The following CSMD1 variants were observed in gnomAD, a reference collection of about 807,000 sequenced individuals.
CSMD1 encodes the protein CUB and Sushi multiple domains 1.
CSMD1 carries 213 observed loss-of-function variants against 417.5 expected under a neutral mutation model. The observed-to-expected ratio is 0.51, with a 90% confidence interval of 0.46 to 0.57. CSMD1 has a LOEUF of 0.57. Among genes scored for constraint, CSMD1 ranks in the 20% least tolerant of loss-of-function variants. The pLI is 0.00. For synonymous variants in CSMD1, 2,862 were observed against 1,736.8 expected (o/e 1.65, Z -16.11); for missense variants, 6,923 against 4,529.7 (o/e 1.53, Z -15.17).
Position 4,153,777 on chromosome 8 carries a change from AG to A in CSMD1, c.416-121679del, listed in dbSNP as rs1796688970. On this transcript the variant is annotated intron_variant, in intron 3 of 69. Coordinates refer to ENST00000635120, the MANE Select transcript of CSMD1 (RefSeq NM_033225.6). ...ACCCTGTGCTCTAAAACCCTTTGTC[AG>A]GGGAAACACAGTTTTTATGTATTTG... 3.3e-5 allele frequency among the ~76,000 whole-genome samples: 5 copies of A among 152,332 alleles called. No homozygotes were observed. The South Asian group carries it at 1.0e-3, about 32-fold the overall frequency.
At chr8:4,990,880 G>A (rs942253376) in intron 1 of CSMD1, among the ~76,000 whole-genome samples, 1 of 152,140 alleles carries the variant, frequency 6.6e-6, no homozygotes, top group African/African-American at 2.4e-5. Flanking sequence ...CCTCTCTCGC[G>A]GTGGAGTTAC....
At chr8:3,300,180 G>T (rs1804277772) in intron 25 of CSMD1, among the ~76,000 whole-genome samples, 1 of 152,190 alleles carries the variant, frequency 6.6e-6, no homozygotes, top group African/African-American at 2.4e-5. Context: ...ATTTGGCCAT[G>T]TTTATTAACT....
At chr8:4,013,788 C>G (rs1048607177) in intron 4 of CSMD1, among the ~76,000 whole-genome samples, 3 of 152,154 alleles carry the variant, frequency 2.0e-5, no homozygotes, top group Admixed American at 2.0e-4. Flanking sequence ...TTAGGCTTTA[C>G]TGAAACACAG....
At chr8:3,747,862 C>A (rs981020290) in intron 6 of CSMD1, among the ~76,000 whole-genome samples, 17 of 152,014 alleles carry the variant, frequency 1.1e-4, no homozygotes, top group African/African-American at 4.1e-4. Flanking sequence ...TTGCTTTGGG[C>A]TGGGGAGGCA....
chr8:3,054,492 C>T (rs1248253432), intron 49 of CSMD1, among the ~76,000 whole-genome samples: 1 of 152,156 alleles, frequency 6.6e-6, no homozygotes, highest in Non-Finnish European at 1.5e-5. Flanking sequence ...GTGGCACACA[C>T]CTGTTGTCCC....
intron 30 of CSMD1, among the ~76,000 whole-genome samples, chr8:3,213,993 G>C (rs1010004806): frequency 6.6e-6 from 1 of 151,718 alleles, no homozygotes; most frequent in South Asian, 2.1e-4. Flanking sequence ...TCACAGGCAC[G>C]CACCACCACA....
At chr8:4,984,505 C>G (rs1042717191) in intron 1 of CSMD1, among the ~76,000 whole-genome samples, 2 of 152,214 alleles carry the variant, frequency 1.3e-5, no homozygotes, top group Non-Finnish European at 2.9e-5. Flanking sequence ...CTGGCCCTCA[C>G]TGAGCTAATG....
At chr8:3,987,044 C>T (rs748272011) in intron 5 of CSMD1, among the ~76,000 whole-genome samples, 7 of 152,136 alleles carry the variant, frequency 4.6e-5, no homozygotes, top group African/African-American at 1.2e-4. Flanking sequence ...CGTGAATCAC[C>T]GCATCCATCC....
At chr8:4,267,698 A>G (rs966910563) in intron 3 of CSMD1, among the ~76,000 whole-genome samples, 6 of 152,098 alleles carry the variant, frequency 3.9e-5, no homozygotes, top group African/African-American at 1.4e-4. Flanking sequence ...AGTGTCTTAC[A>G]TGACTTTACA....
chr8:3,472,731 T>C (rs1447607440), intron 11 of CSMD1, among the ~76,000 whole-genome samples: 1 of 152,136 alleles, frequency 6.6e-6, no homozygotes, highest in Non-Finnish European at 1.5e-5. Context: ...TCCCAGCCCT[T>C]ATTTCTTCTG....
At chr8:4,304,440 G>T (rs964878977) in intron 3 of CSMD1, among the ~76,000 whole-genome samples, 2 of 152,176 alleles carry the variant, frequency 1.3e-5, no homozygotes, top group African/African-American at 4.8e-5. Context: ...AGTTCCAAAA[G>T]TTAAGTGACT....
In CSMD1 at chr8:4,158,263, G is replaced by A. The variant is rs192144448; in HGVS notation, c.416-126164C>T. ...ATCATGCCCCCATGCCAGCTCTGCA[G>A]ACATCGGGAAGACTAAACAACAGAA... On this transcript the variant is annotated intron_variant, in intron 3 of 69. Coordinates refer to ENST00000635120, the MANE Select transcript of CSMD1 (RefSeq NM_033225.6). Among the ~76,000 whole-genome samples, 212 of 152,072 alleles carry A rather than the reference G, an allele frequency of 1.4e-3. 3 individuals carry two copies. Among genetic ancestry groups the A allele is most frequent in the East Asian group, 0.01 (52 of 5,134 alleles).
chr8:4,116,234 T>C (rs914533767), intron 3 of CSMD1, among the ~76,000 whole-genome samples: 1 of 151,974 alleles, frequency 6.6e-6, no homozygotes, highest in Non-Finnish European at 1.5e-5. Context: ...CCTCAGGTGA[T>C]CCACAAGCCT....
intron 33 of CSMD1, among the ~76,000 whole-genome samples, chr8:3,199,271 G>GT (rs1462517430): frequency 6.6e-6 from 1 of 151,954 alleles, no homozygotes; most frequent in Admixed American, 6.5e-5. Flanking sequence ...TTTGTTTTTT[G>GT]TTTTGTTTTG....
intron 3 of CSMD1, among the ~76,000 whole-genome samples, chr8:4,319,965 C>A (rs1186302270): frequency 6.6e-6 from 1 of 152,088 alleles, no homozygotes; most frequent in Non-Finnish European, 1.5e-5. Context: ...TGGATTTTTA[C>A]AGGCAGAGTG....
At chr8:4,179,301 A>C (rs1798225320) in intron 3 of CSMD1, among the ~76,000 whole-genome samples, 1 of 152,220 alleles carries the variant, frequency 6.6e-6, no homozygotes, top group Non-Finnish European at 1.5e-5. Flanking sequence ...GATCTTTGAC[A>C]AACCTGACAA....
chr8:4,641,310 G>A (rs115680713), intron 1 of CSMD1, among the ~76,000 whole-genome samples: 1 of 151,914 alleles, frequency 6.6e-6, no homozygotes, highest in East Asian at 1.9e-4. Flanking sequence ...GAAACATCTG[G>A]CTCCTATCTA....
intron 3 of CSMD1, among the ~76,000 whole-genome samples, chr8:4,281,652 C>T (rs1369637636): frequency 1.3e-5 from 2 of 152,128 alleles, no homozygotes; most frequent in Non-Finnish European, 2.9e-5. Context: ...TCTTACTTGA[C>T]ATATAATTCT....
chr8:3,797,816 T>G (rs186705637), intron 5 of CSMD1, among the ~76,000 whole-genome samples: 304 of 152,112 alleles, frequency 2.0e-3, no homozygotes, highest in Non-Finnish European at 2.0e-3. Flanking sequence ...TATGTCTGAC[T>G]TCATATAAAA....
Sources: gnomAD v4.1 joint callset for allele counts (sites outside exome capture counted in the v4.1 genomes callset) on GRCh38, gnomAD v4.1.1 for gene constraint, MANE v1.5 for transcripts, NCBI Gene and HGNC (gene_info 2026-07-23, HGNC 2026-07-21) for gene names.